The following TBC1D9 variants were observed in gnomAD, a reference collection of about 807,000 sequenced individuals.
The protein encoded by TBC1D9 is TBC1 domain family member 9.
TBC1D9 carries 63 observed loss-of-function variants against 132.0 expected under a neutral mutation model. That is an observed-to-expected ratio of 0.48 (90% CI 0.39 to 0.59). The LOEUF (loss-of-function observed/expected upper bound fraction) is 0.59. Among genes scored for constraint, TBC1D9 ranks in the 20% least tolerant of loss-of-function variants. The probability of loss-of-function intolerance (pLI) is 0.00; values close to 1 mark genes in which losing one functional copy is unlikely to be tolerated. For missense variants in TBC1D9, 1,261 were observed against 1,592.7 expected (o/e 0.79, Z 3.54); for synonymous variants, 610 against 609.9 (o/e 1.00, Z 0.00).
Position 140,627,520 on chromosome 4 carries a change from G to T in TBC1D9, c.2820C>A (p.Ser940=). The T allele has an allele frequency of 6.2e-7, 1 of 1,606,098 alleles. No individual in the cohort carries two copies. The highest frequency in any genetic ancestry group is 8.5e-7 in the Non-Finnish European group (1 of 1,174,394). ...CAGAATCTGGTTCATCTTGATCAGA[G>T]GATGGCTCTAGGGAGGGGAGGAAAC... is the stretch of plus-strand genomic sequence containing the variant. ...LYKMHVLPEP[S]SDQDEPDSAF... is the part of the protein sequence containing the mutation. The change falls in exon 18 of 21, where the codon TCC becomes TCA. Residue 940 remains serine (S), a synonymous_variant. Transcript: ENST00000442267.
chr4:140,630,426 G>A (rs998751257), intron 16 of TBC1D9, among the ~76,000 whole-genome samples: 4 of 152,128 alleles, frequency 2.6e-5, no homozygotes, highest in African/African-American at 7.2e-5. Context: ...CAACCTTCTC[G>A]GACCCCTGCT....
At chr4:140,707,081 G>A (rs1203738534) in intron 1 of TBC1D9, among the ~76,000 whole-genome samples, 6 of 151,996 alleles carry the variant, frequency 3.9e-5, no homozygotes. Context: ...AAGAAAGTGT[G>A]AGAATACCTG....
At chr4:140,630,243 G>A (rs1378813840) in intron 16 of TBC1D9, among the ~76,000 whole-genome samples, 1 of 152,084 alleles carries the variant, frequency 6.6e-6, no homozygotes, top group Non-Finnish European at 1.5e-5. Flanking sequence ...TTGTTTAAGG[G>A]ACCTTTACCT....
At chr4:140,710,964 C>CTGGCCTTGAAACCCCA (rs1392361791) in intron 1 of TBC1D9, among the ~76,000 whole-genome samples, 1 of 152,204 alleles carries the variant, frequency 6.6e-6, no homozygotes. Context: ...ACCTAGGAAG[C>CTGGCCTTGAAACCCCA]TGGCCTTGAA....
chr4:140,624,544 T>C (rs1736676861), intron 18 of TBC1D9, among the ~76,000 whole-genome samples, 156 bp from the exon 19 acceptor site: 1 of 152,100 alleles, frequency 6.6e-6, no homozygotes, highest in African/African-American at 2.4e-5. Flanking sequence ...AAACAAAACA[T>C]TCAGTTAAAT....
chr4:140,666,825 T>C (rs1737453641), intron 9 of TBC1D9, among the ~76,000 whole-genome samples: 1 of 151,236 alleles, frequency 6.6e-6, no homozygotes, highest in Non-Finnish European at 1.5e-5. Context: ...ATAAATGATA[T>C]ATATATTGAC....
intron 2 of TBC1D9, among the ~76,000 whole-genome samples, chr4:140,689,967 C>T (rs1185947292): frequency 6.6e-6 from 1 of 151,270 alleles, no homozygotes; most frequent in Non-Finnish European, 1.5e-5. Flanking sequence ...AGCAATCCGC[C>T]AGCCTTGGCC....
At chr4:140,707,277 G>T (rs1250424869) in intron 1 of TBC1D9, among the ~76,000 whole-genome samples, 1 of 151,888 alleles carries the variant, frequency 6.6e-6, no homozygotes, top group Non-Finnish European at 1.5e-5. Context: ...TCCCATTGTG[G>T]TGACATTTGC....
chr4:140,640,331 G>T (rs536015662), intron 13 of TBC1D9, among the ~76,000 whole-genome samples: 4 of 152,144 alleles, frequency 2.6e-5, no homozygotes, highest in African/African-American at 9.6e-5. Flanking sequence ...GTGTGAAAAG[G>T]TGGGGAAGAG....
chr4:140,739,350 C>T (rs1738724181), intron 1 of TBC1D9, among the ~76,000 whole-genome samples: 1 of 152,184 alleles, frequency 6.6e-6, no homozygotes, highest in Non-Finnish European at 1.5e-5. Flanking sequence ...AAAGGATGCA[C>T]TGTAAGATCA....
At chr4:140,748,643 C>T (rs1738874327) in intron 1 of TBC1D9, among the ~76,000 whole-genome samples, 1 of 152,128 alleles carries the variant, frequency 6.6e-6, no homozygotes, top group Non-Finnish European at 1.5e-5. Context: ...GACAGTTTAC[C>T]TCAGAAGAAA....
intron 15 of TBC1D9, 107 bp downstream of exon 15, chr4:140,638,979 C>T (rs1736921384): frequency 1.3e-6 from 1 of 764,534 alleles, no homozygotes; most frequent in South Asian, 2.0e-5. Context: ...CTCTAGCTTC[C>T]TATTTATATT....
intron 2 of TBC1D9, among the ~76,000 whole-genome samples, chr4:140,699,204 T>A (rs1277810663): frequency 6.6e-6 from 1 of 152,086 alleles, no homozygotes; most frequent in African/African-American, 2.4e-5. Context: ...TATAGTGACA[T>A]AAATAATTAA....
intron 10 of TBC1D9, 97 bp from the exon 11 acceptor site, chr4:140,659,802 C>A: frequency 1.3e-6 from 1 of 797,194 alleles, no homozygotes; most frequent in South Asian, 1.9e-5. Context: ...CAAGGGCTGG[C>A]AAACCTTTTC....
chr4:140,643,275 GTGATGCC>G (rs994201589), intron 13 of TBC1D9: 1 of 1,294,578 alleles, frequency 7.7e-7, no homozygotes, highest in Non-Finnish European at 1.1e-6. Flanking sequence ...GCTCAGCAGG[GTGATGCC>G]GTGCAGAAAG....
At chr4:140,751,769 G>A (rs1307680527) in intron 1 of TBC1D9, among the ~76,000 whole-genome samples, 1 of 152,106 alleles carries the variant, frequency 6.6e-6, no homozygotes, top group Non-Finnish European at 1.5e-5. Flanking sequence ...GTTGAAAAAT[G>A]GACAAGAGAC....
chr4:140,642,080 C>T (rs1737008955), intron 13 of TBC1D9: 2 of 702,664 alleles, frequency 2.8e-6, no homozygotes, highest in African/African-American at 1.7e-5. Context: ...CGGGAGGGGG[C>T]GGAGGAGGGG....
In TBC1D9 at chr4:140,673,272, C is replaced by T. The variant is rs543243465; in HGVS notation, c.1060-2346G>A. The stretch of plus-strand genomic sequence containing the variant: ...CTTAACATCTGTTGACTGGGTCTAC[C>T]TTAAGTCAATATGTAGAATGTGTGT... On this transcript the variant is annotated intron_variant, in intron 6 of 20. Transcript: ENST00000442267. 1.2e-4 allele frequency among the ~76,000 whole-genome samples: 19 copies of T among 152,148 alleles called. No homozygotes were observed. In the South Asian group the frequency reaches 3.7e-3, roughly 30 times the overall value.
intron 13 of TBC1D9, among the ~76,000 whole-genome samples, chr4:140,653,315 G>C (rs999560653): frequency 6.6e-6 from 1 of 152,186 alleles, no homozygotes; most frequent in Non-Finnish European, 1.5e-5. Flanking sequence ...TAATTATCCT[G>C]AAGAACAGAA....
Sources: gnomAD v4.1 joint callset for allele counts (sites outside exome capture counted in the v4.1 genomes callset) on GRCh38, gnomAD v4.1.1 for gene constraint, MANE v1.5 for transcripts, NCBI Gene and HGNC (gene_info 2026-07-23, HGNC 2026-07-21) for gene names.